Variants in PLCG2 observed in about 807,000 individuals in gnomAD.
PLCG2 encodes 1-phosphatidylinositol 4,5-bisphosphate phosphodiesterase gamma-2.
A neutral mutation model predicts 175.6 loss-of-function variants in PLCG2; 69 were observed. That is an observed-to-expected ratio of 0.39 (90% CI 0.32 to 0.48). The LOEUF is 0.48. PLCG2 is among the 20% of genes least tolerant of loss of function. The probability of loss-of-function intolerance (pLI) is 0.91; values close to 1 mark genes in which losing one functional copy is unlikely to be tolerated. For synonymous variants in PLCG2, 827 were observed against 624.0 expected (o/e 1.33, Z -4.85); for missense variants, 1,798 against 1,650.9 (o/e 1.09, Z -1.54).
intron 2 of PLCG2, among the ~76,000 whole-genome samples, chr16:81,801,691 T>A (rs190460248): frequency 6.6e-6 from 1 of 152,288 alleles, no homozygotes; most frequent in Non-Finnish European, 1.5e-5. Context: ...TTTAATTTTT[T>A]TTTTCTTGAG....
At chr16:81,746,432 G>A (rs1023255055) in intron 1 of PLCG2, among the ~76,000 whole-genome samples, 9 of 152,194 alleles carry the variant, frequency 5.9e-5, no homozygotes, top group African/African-American at 2.2e-4. Flanking sequence ...AACGGCCGCT[G>A]GGGCAGAGTG....
At chr16:81,823,722 G>T (rs1470442351) in intron 2 of PLCG2, among the ~76,000 whole-genome samples, 6 of 151,054 alleles carry the variant, frequency 4.0e-5, no homozygotes, top group African/African-American at 9.7e-5. Flanking sequence ...TAGAGACAGG[G>T]TCTCTCTATG....
intron 2 of PLCG2, among the ~76,000 whole-genome samples, chr16:81,841,130 C>G (rs1389030526): frequency 6.6e-6 from 1 of 152,210 alleles, no homozygotes; most frequent in African/African-American, 2.4e-5. Context: ...GTGGCAACAA[C>G]TCTGTTGTTT....
At chr16:81,905,917 C>G (rs1909350520) in intron 15 of PLCG2, among the ~76,000 whole-genome samples, 2 of 152,230 alleles carry the variant, frequency 1.3e-5, no homozygotes, top group African/African-American at 4.8e-5. Flanking sequence ...ACCTTGGCCT[C>G]TCAAAGTGCT....
Position 81,876,118 on chromosome 16 carries a change from C to G in PLCG2, c.649-4792C>G, listed in dbSNP as rs1322840791. Among the ~76,000 whole-genome samples the G allele has an allele frequency of 5.3e-5, 8 of 150,976 alleles. No individual in the cohort carries two copies. The East Asian group carries it at 1.6e-3, about 30-fold the overall frequency. On this transcript the variant is annotated intron_variant, in intron 7 of 32. Transcript: ENST00000564138. Reference sequence around the variant, plus strand: ...ATGGCTCACTGCAGCCTCGAACTCCCTGGCTCAGATGATTCTCCCACCTCA... The same window carrying G: ...ATGGCTCACTGCAGCCTCGAACTCCGTGGCTCAGATGATTCTCCCACCTCA...
At chr16:81,877,055 G>T (rs961368509) in intron 7 of PLCG2, among the ~76,000 whole-genome samples, 5 of 152,330 alleles carry the variant, frequency 3.3e-5, no homozygotes, top group African/African-American at 1.2e-4. Context: ...TACCTGATGG[G>T]ATCAGCAGGA....
At chr16:81,797,714 C>T (rs139627018) in intron 2 of PLCG2, among the ~76,000 whole-genome samples, 107 of 152,344 alleles carry the variant, frequency 7.0e-4, no homozygotes, top group African/African-American at 2.4e-3. Flanking sequence ...GATAGGGCAC[C>T]TCTGTGACAA....
chr16:81,804,432 G>A (rs545442995), intron 2 of PLCG2, among the ~76,000 whole-genome samples: 4 of 152,288 alleles, frequency 2.6e-5, no homozygotes, highest in South Asian at 2.1e-4. Flanking sequence ...TGACTAGGGC[G>A]TAAATGAATG....
At chr16:81,777,597 G>A (rs1279346193), upstream of PLCG2, among the ~76,000 whole-genome samples, 1 of 152,152 alleles carries the variant, frequency 6.6e-6, no homozygotes, top group African/African-American at 2.4e-5. Context: ...GTGGTGATGA[G>A]CACAGCTATA....
At position 81,960,629 on chromosome 16, in the gene PLCG2, CTT is replaced by C. The variant is rs902008465; in HGVS notation, c.*2635_*2636del. 1 of 231,172 alleles carries C rather than the reference CTT, an allele frequency of 4.3e-6. No homozygotes were observed. Among genetic ancestry groups the C allele is most frequent in the African/African-American group, 2.2e-5 (1 of 45,216 alleles). 14.3% of individuals were successfully genotyped at this position (231,172 alleles called of 1,614,324 possible). A position where few individuals can be genotyped will look rare whatever the true frequency, so the allele number is the denominator to read the frequency against. On this transcript the variant is annotated 3_prime_UTR_variant, in exon 33 of 33. Transcript: ENST00000564138. ...TGTTTTCCAAATTCGATCTCAGAATCTTTTTGCCAGAAGTGTCTCATGGGACT... is the reference window on the plus strand; with the variant it reads ...TGTTTTCCAAATTCGATCTCAGAATCTTTGCCAGAAGTGTCTCATGGGACT...
At chr16:81,776,849 C>A (rs898697094), upstream of PLCG2, among the ~76,000 whole-genome samples, 1 of 152,180 alleles carries the variant, frequency 6.6e-6, no homozygotes, top group Non-Finnish European at 1.5e-5. Context: ...GCCACTGCAC[C>A]TGGCAGATTA....
At chr16:81,885,052 AAT>A (rs1491295848) in intron 9 of PLCG2, among the ~76,000 whole-genome samples, 9 of 82,672 alleles carry the variant, frequency 1.1e-4, no homozygotes, top group Non-Finnish European at 2.1e-4. Flanking sequence ...CATGCCTGAC[AAT>A]TTTTTTTTTT....
At chr16:81,817,610 A>T (rs1235916296) in intron 2 of PLCG2, among the ~76,000 whole-genome samples, 1 of 152,224 alleles carries the variant, frequency 6.6e-6, no homozygotes. Flanking sequence ...TGTATGTAGA[A>T]CATCAGAGGG....
chr16:81,920,920 A>T (rs1376092661), intron 20 of PLCG2, among the ~76,000 whole-genome samples: 1 of 152,178 alleles, frequency 6.6e-6, no homozygotes, highest in Non-Finnish European at 1.5e-5. Flanking sequence ...CCAGCACACC[A>T]TCGCATCTTA....
chr16:81,936,603 G>C (rs1472417399), intron 27 of PLCG2, among the ~76,000 whole-genome samples: 1 of 150,188 alleles, frequency 6.7e-6, no homozygotes, highest in Non-Finnish European at 1.5e-5. Context: ...GTGATTGTAA[G>C]TAAGTGACAG....
intron 17 of PLCG2, among the ~76,000 whole-genome samples, chr16:81,909,391 G>C (rs1371793244): frequency 6.6e-6 from 1 of 152,118 alleles, no homozygotes; most frequent in Non-Finnish European, 1.5e-5. Flanking sequence ...AAGAAGATGA[G>C]ACCTGAAAGA....
chr16:81,831,109 A>G (rs994884885), intron 2 of PLCG2, among the ~76,000 whole-genome samples: 4 of 152,092 alleles, frequency 2.6e-5, no homozygotes, highest in African/African-American at 9.7e-5. Flanking sequence ...AACACCTTCT[A>G]TGAGAGCCCC....
chr16:81,932,701 C>T (rs2143716620), intron 25 of PLCG2, among the ~76,000 whole-genome samples: 1 of 152,362 alleles, frequency 6.6e-6, no homozygotes, highest in African/African-American at 2.4e-5. Flanking sequence ...GGGAAGTGTC[C>T]TCTTTAGGAG....
At chr16:81,838,796 T>C (rs914571672) in intron 2 of PLCG2, among the ~76,000 whole-genome samples, 16 of 148,432 alleles carry the variant, frequency 1.1e-4, no homozygotes, top group South Asian at 1.1e-3. Context: ...TATATATATA[T>C]ATATATATAT....
Sources: gnomAD v4.1 joint callset for allele counts (sites outside exome capture counted in the v4.1 genomes callset) on GRCh38, gnomAD v4.1.1 for gene constraint, MANE v1.5 for transcripts, NCBI Gene and HGNC (gene_info 2026-07-23, HGNC 2026-07-21) for gene names.